OR51B5: variants seen among roughly 807,000 people sequenced by gnomAD.
The protein encoded by OR51B5 is olfactory receptor 51B5.
For missense variants in OR51B5, 456 were observed against 374.6 expected, an observed-to-expected ratio of 1.22 and a Z score of -1.79; for synonymous variants, 186 against 144.8, an observed-to-expected ratio of 1.28 and a Z score of -2.04.
At chr11:5,460,524 C>T (rs574687242) in intron 1 of OR51B5, among the ~76,000 whole-genome samples, 2 of 152,290 alleles carry the variant, frequency 1.3e-5, no homozygotes, top group South Asian at 2.1e-4. Context: ...TTTCAACCTT[C>T]TTCAGTATCT....
chr11:5,368,897 G>A (rs886878692), intron 1 of OR51B5, among the ~76,000 whole-genome samples: 4 of 152,134 alleles, frequency 2.6e-5, no homozygotes, highest in African/African-American at 9.7e-5. Context: ...TTCCTTCTGA[G>A]GATGTTGGAA....
upstream of OR51B5, among the ~76,000 whole-genome samples, chr11:5,348,349 C>A (rs1398649196): frequency 2.0e-5 from 3 of 152,140 alleles, no homozygotes; most frequent in African/African-American, 7.2e-5. Flanking sequence ...GGCTTCCATT[C>A]TAACCCTGAG....
intron 1 of OR51B5, among the ~76,000 whole-genome samples, chr11:5,463,220 G>A (rs1190208797): frequency 2.6e-5 from 4 of 152,172 alleles, no homozygotes; most frequent in African/African-American, 9.7e-5. Flanking sequence ...TACAATTCAG[G>A]CGTCAGTTGA....
intron 1 of OR51B5, among the ~76,000 whole-genome samples, chr11:5,436,416 C>A (rs1850596486): frequency 6.6e-6 from 1 of 152,196 alleles, no homozygotes; most frequent in Non-Finnish European, 1.5e-5. Context: ...TTTCAGCTCT[C>A]TTTCTGCTCA....
intron 1 of OR51B5, among the ~76,000 whole-genome samples, chr11:5,361,692 T>C (rs1219632774): frequency 6.6e-6 from 1 of 152,210 alleles, no homozygotes; most frequent in Non-Finnish European, 1.5e-5. Flanking sequence ...ATAATCTCTT[T>C]TGCAAATTCC....
At chr11:5,342,945 G>T in exon 1 of OR51B5, 1 of 1,613,764 alleles carries the variant, frequency 6.2e-7, no homozygotes, top group Non-Finnish European at 8.5e-7. Flanking sequence ...GGGTACAGTC[G>T]GTTGAAGGTG....
intron 1 of OR51B5, among the ~76,000 whole-genome samples, chr11:5,483,362 T>G (rs1163277165): frequency 2.6e-4 from 13 of 50,070 alleles, no homozygotes; most frequent in South Asian, 8.2e-4. Context: ...TGTGATGGGG[T>G]GGGGGGAGGG....
chr11:5,360,229 T>G (rs1490068855), intron 1 of OR51B5, among the ~76,000 whole-genome samples: 1 of 151,554 alleles, frequency 6.6e-6, no homozygotes, highest in Non-Finnish European at 1.5e-5. Context: ...GGGAGAAAAT[T>G]TTTGCAATCT....
At chr11:5,473,364 C>A (rs1043008472) in intron 1 of OR51B5, among the ~76,000 whole-genome samples, 5 of 152,124 alleles carry the variant, frequency 3.3e-5, no homozygotes, top group African/African-American at 7.2e-5. Flanking sequence ...CACATTCAAC[C>A]TTTCATAATG....
intron 1 of OR51B5, among the ~76,000 whole-genome samples, chr11:5,363,457 ACT>A (rs10565063): frequency 0.11 from 16,767 of 150,118 alleles, 1,046 homozygotes; most frequent in South Asian, 0.15. Context: ...ATACACACAC[ACT>A]CTCTCTCTCA....
rs138412610 is a variant in OR51B5, at chr11:5,446,752, A to G, written n.84+58817T>C. On this transcript the variant is annotated intron_variant and non_coding_transcript_variant, in intron 1 of 4. Coordinates refer to the OR51B5 transcript ENST00000415970. The stretch of plus-strand genomic sequence containing the variant: ...TAGGGACATCTATTTCTTCCCCCAC[A>G]GGACTCTCTGTCCAGTGGATGCCAC... Among the ~76,000 whole-genome samples, 8 of 152,338 alleles carry G rather than the reference A, an allele frequency of 5.3e-5. No homozygotes were observed. The East Asian group carries it at 1.2e-3, about 22-fold the overall frequency.
At chr11:5,420,361 C>T (rs1589986688) in intron 1 of OR51B5, among the ~76,000 whole-genome samples, 1 of 152,068 alleles carries the variant, frequency 6.6e-6, no homozygotes, top group South Asian at 2.1e-4. Flanking sequence ...TACGATTTAA[C>T]TTTCCATTAT....
chr11:5,365,035 A>G (rs1589955805), intron 1 of OR51B5, among the ~76,000 whole-genome samples: 1 of 152,224 alleles, frequency 6.6e-6, no homozygotes, highest in Non-Finnish European at 1.5e-5. Context: ...TGTCACAGCA[A>G]TGAATCTTGG....
chr11:5,491,734 A>G (rs1851583461), intron 1 of OR51B5, among the ~76,000 whole-genome samples: 1 of 152,232 alleles, frequency 6.6e-6, no homozygotes, highest in Non-Finnish European at 1.5e-5. Context: ...GAAAGGCAGA[A>G]TTTCCCAAAG....
chr11:5,483,078 T>C (rs1386258499), intron 1 of OR51B5, among the ~76,000 whole-genome samples: 1 of 150,298 alleles, frequency 6.7e-6, no homozygotes, highest in Non-Finnish European at 1.5e-5. Flanking sequence ...TGCGGCATTA[T>C]GCACAATAGC....
intron 1 of OR51B5, among the ~76,000 whole-genome samples, chr11:5,349,851 G>A (rs928025710): frequency 1.3e-5 from 2 of 152,056 alleles, no homozygotes; most frequent in African/African-American, 4.8e-5. Context: ...TATGTCAGAA[G>A]TTCCCACATT....
intron 1 of OR51B5, among the ~76,000 whole-genome samples, chr11:5,358,411 T>A (rs1849227507): frequency 6.6e-6 from 1 of 152,176 alleles, no homozygotes; most frequent in Non-Finnish European, 1.5e-5. Context: ...GATAAATTCC[T>A]TGACACATAC....
At chr11:5,472,620 G>T (rs1386685641) in intron 1 of OR51B5, among the ~76,000 whole-genome samples, 1 of 152,222 alleles carries the variant, frequency 6.6e-6, no homozygotes, top group African/African-American at 2.4e-5. Context: ...ACTCCTCTGT[G>T]CTCTGCCATT....
At chr11:5,408,151 A>T (rs1030787899) in intron 1 of OR51B5, among the ~76,000 whole-genome samples, 30 of 152,136 alleles carry the variant, frequency 2.0e-4, no homozygotes, top group African/African-American at 6.5e-4. Context: ...TGCAGTTCCA[A>T]ATTAGCTTTC....
Sources: gnomAD v4.1 joint callset for allele counts (sites outside exome capture counted in the v4.1 genomes callset) on GRCh38, gnomAD v4.1.1 for gene constraint, MANE v1.5 for transcripts, NCBI Gene and HGNC (gene_info 2026-07-23, HGNC 2026-07-21) for gene names.